Variants in RIT2 observed in about 807,000 individuals in gnomAD.
The protein encoded by RIT2 is GTP-binding protein Rit2.
Under a neutral mutation model 23.7 loss-of-function variants are expected in RIT2, and 24 were observed. The observed-to-expected ratio is 1.01, with a 90% confidence interval of 0.73 to 1.43. RIT2 has a LOEUF of 1.43. Among genes scored for constraint, RIT2 ranks in the 40% most tolerant of loss-of-function variants. The probability of loss-of-function intolerance (pLI) is 0.00; values close to 1 mark genes in which losing one functional copy is unlikely to be tolerated. For synonymous variants in RIT2, 107 were observed against 91.1 expected (o/e 1.17, Z -0.99); for missense variants, 236 against 266.9 (o/e 0.88, Z 0.81).
intron 1 of RIT2, among the ~76,000 whole-genome samples, chr18:43,104,001 C>T (rs554650713): frequency 6.6e-6 from 1 of 152,176 alleles, no homozygotes; most frequent in East Asian, 1.9e-4. Context: ...TATTGCACCA[C>T]TACGCACAGT....
At chr18:42,939,902 G>A (rs1218522427) in intron 3 of RIT2, among the ~76,000 whole-genome samples, 1 of 151,824 alleles carries the variant, frequency 6.6e-6, no homozygotes, top group African/African-American at 2.4e-5. Flanking sequence ...AGAGCCAGAC[G>A]GATTTGCTTG....
At chr18:42,895,253 C>G (rs1471535487) in intron 4 of RIT2, among the ~76,000 whole-genome samples, 1 of 151,824 alleles carries the variant, frequency 6.6e-6, no homozygotes, top group Non-Finnish European at 1.5e-5. Context: ...TCAATTATAA[C>G]CTTTGCACAG....
intron 2 of RIT2, among the ~76,000 whole-genome samples, chr18:43,028,153 G>A (rs1368068305): frequency 6.6e-6 from 1 of 151,972 alleles, no homozygotes; most frequent in Admixed American, 6.6e-5. Context: ...TATAGGAAAT[G>A]CACCTGTATG....
chr18:42,992,334 A>G lies in RIT2; in HGVS notation c.161-18187T>C, dbSNP rs566502499. On this transcript the variant is annotated intron_variant, in intron 2 of 4. Coordinates refer to ENST00000326695, the MANE Select transcript of RIT2 (RefSeq NM_002930.4). The stretch of plus-strand genomic sequence containing the variant: ...GTTTTTTCCATCCTAGAAGATCTAA[A>G]TAATTCTTGTCGTAAAATGGGCAAA... Among the ~76,000 whole-genome samples, 9 of 152,212 alleles carry G rather than the reference A, an allele frequency of 5.9e-5. 1 individual carries two copies. The South Asian group carries it at 1.9e-3, about 32-fold the overall frequency.
chr18:42,743,465 G>T lies in RIT2; in HGVS notation c.*28C>A. ...AATTGTCCAACTAATAAAATTCAGA[G>T]AGCGTGAGGAACTCAAAAGCAAAGA... is the stretch of plus-strand genomic sequence containing the variant. On this transcript the variant is annotated 3_prime_UTR_variant, in exon 5 of 5. Coordinates refer to ENST00000326695, the MANE Select transcript of RIT2 (RefSeq NM_002930.4). 1.3e-6 allele frequency: 2 copies of T among 1,484,924 alleles called. No individual in the cohort carries two copies. Among genetic ancestry groups the T allele is most frequent in the South Asian group, 2.3e-5 (2 of 88,142 alleles). The allele number at this position is 1,484,924 out of a possible 1,614,324, so 92.0% of individuals were successfully genotyped here. A position where few individuals can be genotyped will look rare whatever the true frequency, so the allele number is the denominator to read the frequency against.
chr18:42,934,783 C>G (rs1020601731), intron 3 of RIT2, among the ~76,000 whole-genome samples: 2 of 152,002 alleles, frequency 1.3e-5, no homozygotes, highest in East Asian at 1.9e-4. Flanking sequence ...TTTCTTAAAC[C>G]CTTTCTATTG....
At chr18:42,812,604 G>A (rs1215183787) in intron 4 of RIT2, among the ~76,000 whole-genome samples, 2 of 152,078 alleles carry the variant, frequency 1.3e-5, no homozygotes, top group African/African-American at 4.8e-5. Context: ...GAGACAGAAT[G>A]CATATCTTTA....
chr18:42,840,230 A>G (rs1906727098), intron 4 of RIT2, among the ~76,000 whole-genome samples: 1 of 152,208 alleles, frequency 6.6e-6, no homozygotes, highest in Non-Finnish European at 1.5e-5. Flanking sequence ...CTCTCTTGCT[A>G]TGAATAAATA....
chr18:42,907,874 G>C (rs1275544839), intron 4 of RIT2, among the ~76,000 whole-genome samples: 1 of 151,950 alleles, frequency 6.6e-6, no homozygotes, highest in Non-Finnish European at 1.5e-5. Context: ...CCAGCTACTT[G>C]GGAGACTGAG....
At chr18:42,816,963 A>G (rs977902364) in intron 4 of RIT2, among the ~76,000 whole-genome samples, 1 of 152,162 alleles carries the variant, frequency 6.6e-6, no homozygotes, top group Admixed American at 6.5e-5. Flanking sequence ...GGATTGAGAC[A>G]TTCTGGGGTA....
intron 3 of RIT2, among the ~76,000 whole-genome samples, chr18:42,944,160 G>T (rs1909669888): frequency 6.6e-6 from 1 of 152,050 alleles, no homozygotes; most frequent in Non-Finnish European, 1.5e-5. Context: ...GAGCCCTGGG[G>T]CCATATGCAG....
intron 4 of RIT2, among the ~76,000 whole-genome samples, chr18:42,806,363 G>A (rs1161290790): frequency 6.6e-6 from 1 of 151,888 alleles, no homozygotes; most frequent in African/African-American, 2.4e-5. Flanking sequence ...CAGCTACTTG[G>A]GAGGATGAGG....
rs1484043128 is a variant in RIT2 at position 42,964,880 on chromosome 18, C to G, written c.234+9194G>C. On this transcript the variant is annotated intron_variant, in intron 3 of 4. Transcript: ENST00000326695. The stretch of plus-strand genomic sequence containing the variant: ...ATAGACTAGTAGTTTGGAGGTTGTG[C>G]GTATAAATATACTTCTTCAGCAATT... Among the ~76,000 whole-genome samples, 3 of 152,136 alleles carry G rather than the reference C, an allele frequency of 2.0e-5. No individual in the cohort carries two copies. In the East Asian group the frequency reaches 5.8e-4, roughly 29 times the overall value.
At chr18:42,976,373 A>T (rs1910477994) in intron 2 of RIT2, among the ~76,000 whole-genome samples, 1 of 152,122 alleles carries the variant, frequency 6.6e-6, no homozygotes, top group South Asian at 2.1e-4. Flanking sequence ...TTAGAGGAGA[A>T]ATGTTGATGA....
intron 1 of RIT2, among the ~76,000 whole-genome samples, chr18:43,048,839 A>C (rs1190409175): frequency 6.6e-6 from 1 of 152,156 alleles, no homozygotes; most frequent in East Asian, 1.9e-4. Flanking sequence ...GCTTTAATGA[A>C]TACACCTTGT....
chr18:43,100,289 T>C (rs1913651953), intron 1 of RIT2, among the ~76,000 whole-genome samples: 1 of 152,048 alleles, frequency 6.6e-6, no homozygotes. Context: ...AGGAAAAAGC[T>C]AACACAAAGA....
intron 4 of RIT2, among the ~76,000 whole-genome samples, chr18:42,880,093 C>A (rs187380936): frequency 6.8e-4 from 103 of 152,256 alleles, no homozygotes; most frequent in African/African-American, 2.3e-3. Context: ...GCTACAGAGA[C>A]ACAGTTTCAT....
intron 4 of RIT2, among the ~76,000 whole-genome samples, chr18:42,854,725 A>G (rs12454579): frequency 0.051 from 7,766 of 152,322 alleles, 601 homozygotes; most frequent in East Asian, 0.32. Flanking sequence ...AGATAAGACT[A>G]TAATTAAAAT....
intron 1 of RIT2, among the ~76,000 whole-genome samples, chr18:43,070,335 T>C (rs965389032): frequency 2.6e-5 from 4 of 152,192 alleles, no homozygotes; most frequent in Non-Finnish European, 4.4e-5. Context: ...TTTCTTCCCT[T>C]CTGCTTTTAG....
Sources: gnomAD v4.1 joint callset for allele counts (sites outside exome capture counted in the v4.1 genomes callset) on GRCh38, gnomAD v4.1.1 for gene constraint, MANE v1.5 for transcripts, NCBI Gene and HGNC (gene_info 2026-07-23, HGNC 2026-07-21) for gene names.